Variants in GPC3 observed in about 807,000 individuals in gnomAD.
GPC3 encodes the protein glypican-3.
A neutral mutation model predicts 34.4 loss-of-function variants in GPC3; 3 were observed. The observed-to-expected ratio is 0.09, with a 90% CI of 0.04 to 0.23. GPC3 has a LOEUF of 0.23. Ranked by LOEUF, GPC3 falls within the 10% of genes least tolerant of loss-of-function variation. The pLI is 1.00. For synonymous variants in GPC3, 177 were observed against 174.0 expected, an observed-to-expected ratio of 1.02 and a Z score of -0.13; for missense variants, 351 against 445.6, an observed-to-expected ratio of 0.79 and a Z score of 1.91.
chrX:133,615,923 A>G (rs1250727692), intron 6 of GPC3, among the ~76,000 whole-genome samples: 2 of 111,151 alleles, frequency 1.8e-5, no homozygotes, highest in African/African-American at 3.3e-5. Flanking sequence ...CTGAGAAGCA[A>G]TATCTATCTA....
intron 2 of GPC3, among the ~76,000 whole-genome samples, chrX:133,900,404 G>C (rs1378150516): frequency 8.9e-6 from 1 of 111,975 alleles, no homozygotes; most frequent in Non-Finnish European, 1.9e-5. Context: ...GTGGTAGCAA[G>C]AACATAGCAG....
At chrX:133,765,300 G>A (rs1177170195) in intron 2 of GPC3, among the ~76,000 whole-genome samples, 5 of 111,545 alleles carry the variant, frequency 4.5e-5, no homozygotes, top group Non-Finnish European at 7.5e-5. Flanking sequence ...TTTTAATAGC[G>A]TATCACCATA....
chrX:133,706,566 A>ATT (rs2071221028), intron 3 of GPC3, among the ~76,000 whole-genome samples: 2 of 112,706 alleles, frequency 1.8e-5, no homozygotes, highest in Non-Finnish European at 3.7e-5. Flanking sequence ...ACTTCTTAAA[A>ATT]GAAGACATAC....
chrX:133,872,759 C>CAGGA (rs1437681926), intron 2 of GPC3, among the ~76,000 whole-genome samples: 6 of 112,104 alleles, frequency 5.4e-5, no homozygotes, highest in African/African-American at 1.9e-4. Context: ...GCTGAAGAAG[C>CAGGA]TCCTGATGCC....
At chrX:133,809,258 A>G (rs1272335592) in intron 2 of GPC3, among the ~76,000 whole-genome samples, 1 of 112,490 alleles carries the variant, frequency 8.9e-6, no homozygotes, top group Non-Finnish European at 1.9e-5. Flanking sequence ...TTCACTTACA[A>G]TGAAGTTAGT....
At chrX:133,697,177 G>T (rs2071126101) in intron 4 of GPC3, among the ~76,000 whole-genome samples, 1 of 112,444 alleles carries the variant, frequency 8.9e-6, no homozygotes, top group Admixed American at 9.4e-5. Context: ...TGCAGACCTG[G>T]AACTTTTTCC....
chrX:133,595,103 C>T (rs1424478838), intron 7 of GPC3, among the ~76,000 whole-genome samples: 1 of 110,936 alleles, frequency 9.0e-6, no homozygotes, highest in Non-Finnish European at 1.9e-5. Context: ...ATAAGATCTG[C>T]ATTCTTTCTG....
intron 3 of GPC3, among the ~76,000 whole-genome samples, chrX:133,709,673 T>C (rs1224395626): frequency 8.9e-6 from 1 of 111,965 alleles, no homozygotes; most frequent in East Asian, 2.8e-4. Context: ...TTATTACTGA[T>C]TTAAATCTGC....
At chrX:133,923,077 C>T (rs749062040) in intron 2 of GPC3, among the ~76,000 whole-genome samples, 237 of 111,168 alleles carry the variant, frequency 2.1e-3, no homozygotes, top group Non-Finnish European at 3.8e-3. Flanking sequence ...AGACTTCCAA[C>T]AAGAAGCCTT....
chrX:133,869,837 C>A (rs961147543), intron 2 of GPC3, among the ~76,000 whole-genome samples: 1 of 111,585 alleles, frequency 9.0e-6, no homozygotes, highest in African/African-American at 3.3e-5. Context: ...CGCCTGTAGT[C>A]CCAGCTACTT....
chrX:133,762,469 G>A (rs887026646), intron 2 of GPC3, among the ~76,000 whole-genome samples: 1 of 111,532 alleles, frequency 9.0e-6, no homozygotes, highest in African/African-American at 3.3e-5. Context: ...ACTATGCATC[G>A]ACAAAGGTCT....
chrX:133,903,066 G>A (rs968280453), intron 2 of GPC3, among the ~76,000 whole-genome samples: 2 of 109,341 alleles, frequency 1.8e-5, no homozygotes, highest in Non-Finnish European at 3.8e-5. Context: ...CAGGAGAATC[G>A]CTTGAACCTG....
chrX:133,619,777 T>TG (rs1478872741), intron 6 of GPC3, among the ~76,000 whole-genome samples: 2 of 110,575 alleles, frequency 1.8e-5, no homozygotes, highest in Non-Finnish European at 3.8e-5. Context: ...ACCACTGAAT[T>TG]GTACATTTTA....
At chrX:133,815,709 GGA>G (rs919503187) in intron 2 of GPC3, among the ~76,000 whole-genome samples, 1 of 111,941 alleles carries the variant, frequency 8.9e-6, no homozygotes, top group African/African-American at 3.2e-5. Flanking sequence ...CATCCCATAG[GGA>G]GAGACCAGGC....
chrX:133,537,404 G>A (rs1367696760), intron 7 of GPC3, among the ~76,000 whole-genome samples: 2 of 111,517 alleles, frequency 1.8e-5, no homozygotes, highest in African/African-American at 3.3e-5. Context: ...ATTCTACAGA[G>A]GGAAGGAAGG....
intron 2 of GPC3, among the ~76,000 whole-genome samples, chrX:133,827,518 C>A (rs2075753655): frequency 9.0e-6 from 1 of 111,626 alleles, no homozygotes; most frequent in Admixed American, 9.5e-5. Context: ...CATGGTGGCT[C>A]ACACCTGTAT....
At chrX:133,676,426 G>A (rs1483600772) in intron 5 of GPC3, among the ~76,000 whole-genome samples, 1 of 112,275 alleles carries the variant, frequency 8.9e-6, no homozygotes, top group African/African-American at 3.2e-5. Flanking sequence ...CCATATGCAG[G>A]ACAGCTCTGC....
intron 5 of GPC3, among the ~76,000 whole-genome samples, chrX:133,692,098 G>A (rs1380197708): frequency 5.3e-5 from 6 of 112,184 alleles, no homozygotes; most frequent in East Asian, 2.8e-4. Context: ...ACAGGCTTGC[G>A]CCATCATGCC....
chrX:133,824,922 C>T (rs953645428), intron 2 of GPC3, among the ~76,000 whole-genome samples: 1 of 112,373 alleles, frequency 8.9e-6, no homozygotes, highest in Non-Finnish European at 1.9e-5. Context: ...GATCTCAGCT[C>T]ACTGCAACCT....
Sources: gnomAD v4.1 joint callset for allele counts (sites outside exome capture counted in the v4.1 genomes callset) on GRCh38, gnomAD v4.1.1 for gene constraint, MANE v1.5 for transcripts, NCBI Gene and HGNC (gene_info 2026-07-23, HGNC 2026-07-21) for gene names.